The following RGS12 variants were observed in gnomAD, a reference collection of about 807,000 sequenced individuals.
RGS12 encodes regulator of G protein signaling 12.
A neutral mutation model predicts 120.1 loss-of-function variants in RGS12; 66 were observed. That is an observed-to-expected ratio of 0.55 (90% CI 0.45 to 0.67). The LOEUF is 0.67. Among genes scored for constraint, RGS12 ranks in the 30% least tolerant of loss-of-function variants. The pLI is 0.00. For synonymous variants in RGS12, 827 were observed against 804.7 expected (o/e 1.03, Z -0.47); for missense variants, 1,859 against 1,957.7 (o/e 0.95, Z 0.95).
At chr4:3,408,776 A>C (rs1316091022) in intron 4 of RGS12, among the ~76,000 whole-genome samples, 2 of 152,164 alleles carry the variant, frequency 1.3e-5, no homozygotes, top group Admixed American at 1.3e-4. Context: ...CGGCTCCTCC[A>C]GGTAATGTGT....
chr4:3,301,879 C>T (rs2110358980), intron 1 of RGS12, among the ~76,000 whole-genome samples: 1 of 152,234 alleles, frequency 6.6e-6, no homozygotes, highest in South Asian at 2.1e-4. Context: ...TTAAACACAG[C>T]CTCTCTCCAG....
rs1231669203 is a variant in RGS12 at position 3,374,087 on chromosome 4, T to G, written c.1999-12329T>G. Among the ~76,000 whole-genome samples, 3 of 152,194 alleles carry G rather than the reference T, an allele frequency of 2.0e-5. No homozygotes were observed. Among genetic ancestry groups the G allele is most frequent in the African/African-American group, 7.2e-5 (3 of 41,454 alleles). On this transcript the variant is annotated intron_variant, in intron 3 of 17. Transcript: ENST00000336727. The surrounding 1 kb of genome is among the most constrained non-coding windows in gnomAD (Gnocchi z 6.3). ...GCGAGGCCCTTGAGCACTCAGCACCTTCTCCTACCATGTCCCACGCGGCTC... is the reference window on the plus strand; with the variant it reads ...GCGAGGCCCTTGAGCACTCAGCACCGTCTCCTACCATGTCCCACGCGGCTC...
Position 3,390,571 on chromosome 4 carries a change from T to G in RGS12, c.2020+4134T>G, listed in dbSNP as rs1240664359. 6.6e-6 allele frequency among the ~76,000 whole-genome samples: 1 copy of G among 152,226 alleles called. No homozygotes were observed. Among genetic ancestry groups the G allele is most frequent in the African/African-American group, 2.4e-5 (1 of 41,476 alleles). On this transcript the variant is annotated intron_variant, in intron 4 of 17. Coordinates refer to ENST00000336727, the MANE Select transcript of RGS12 (RefSeq NM_001394154.1). The surrounding 1 kb of genome is among the most constrained non-coding windows in gnomAD (Gnocchi z 4.6). ...GCGGGGTGGACCCACTGCCGCCGCCTCCTCCTGGGCTGCTCTGCGCGCCTG... is the reference window on the plus strand; with the variant it reads ...GCGGGGTGGACCCACTGCCGCCGCCGCCTCCTGGGCTGCTCTGCGCGCCTG...
intron 17 of RGS12, among the ~76,000 whole-genome samples, chr4:3,438,762 G>A (rs1725047781): frequency 6.6e-6 from 1 of 152,134 alleles, no homozygotes; most frequent in African/African-American, 2.4e-5. Context: ...AGGCAGCCGG[G>A]ATCTCCTGGG....
intron 3 of RGS12, among the ~76,000 whole-genome samples, chr4:3,363,212 G>A (rs1369311636): frequency 2.0e-5 from 3 of 152,118 alleles, no homozygotes; most frequent in Non-Finnish European, 4.4e-5. Context: ...GGAACTAGCA[G>A]TTCTGTCCCT....
At chr4:3,340,762 A>AGGTGCAGGCCGGTGCAGGCC (rs142221888) in intron 2 of RGS12, among the ~76,000 whole-genome samples, 2,736 of 151,010 alleles carry the variant, frequency 0.018, 75 homozygotes, top group African/African-American at 0.059. Context: ...AGGTGCAGGC[A>AGGTGCAGGCCGGTGCAGGCC]GGTGCAGGCC....
chr4:3,421,395 G>GT (rs1244739464), intron 10 of RGS12, among the ~76,000 whole-genome samples: 1 of 152,374 alleles, frequency 6.6e-6, no homozygotes, highest in South Asian at 2.1e-4. Context: ...ATTGAAAGCT[G>GT]TAAGGATTTA....
intron 3 of RGS12, among the ~76,000 whole-genome samples, chr4:3,347,400 C>T (rs911834186): frequency 3.9e-5 from 6 of 152,040 alleles, no homozygotes; most frequent in Admixed American, 2.0e-4. Flanking sequence ...GCCCAGATCC[C>T]GCCACTGCAC....
Position 3,422,489 on chromosome 4 carries a change from CAA to C in RGS12, c.2954_2955del (p.Lys985ArgfsTer8). The C allele has an allele frequency of 1.2e-6, 2 of 1,613,064 alleles. No homozygotes were observed. Among genetic ancestry groups the C allele is most frequent in the Non-Finnish European group, 1.7e-6 (2 of 1,179,988 alleles). On this transcript the variant is annotated frameshift_variant, in exon 11 of 18. Coordinates refer to ENST00000336727, the MANE Select transcript of RGS12 (RefSeq NM_001394154.1). LOFTEE classifies it high-confidence loss of function. ...VVAVKAGFSIKDILSGLCERH... is the reference protein window; with the variant it reads ...VVAVKAGFSIXDILSGLCERH... Reference sequence around the variant, plus strand: ...TGGCTGTCAAGGCGGGCTTCTCCATCAAAGACATCCTGTCCGGACTCTGTGAG... The same window carrying C: ...TGGCTGTCAAGGCGGGCTTCTCCATCAGACATCCTGTCCGGACTCTGTGAG...
At chr4:3,311,729 C>T (rs1265503536) in intron 1 of RGS12, among the ~76,000 whole-genome samples, 1 of 152,174 alleles carries the variant, frequency 6.6e-6, no homozygotes, top group East Asian at 1.9e-4. Flanking sequence ...AATGAATTTC[C>T]TGTTCAGACC....
At chr4:3,336,410 G>T (rs1712470411) in intron 2 of RGS12, among the ~76,000 whole-genome samples, 1 of 152,260 alleles carries the variant, frequency 6.6e-6, no homozygotes, top group Admixed American at 6.5e-5. Context: ...TATAGCAGGA[G>T]ATGCGAAGAT....
At chr4:3,387,825 G>A (rs1398883653) in intron 4 of RGS12, among the ~76,000 whole-genome samples, 1 of 152,194 alleles carries the variant, frequency 6.6e-6, no homozygotes, top group Non-Finnish European at 1.5e-5. Context: ...TGAAAGATTT[G>A]CCTAATATGT....
At chr4:3,424,155 G>T (rs532822761) in intron 13 of RGS12, among the ~76,000 whole-genome samples, 2 of 152,394 alleles carry the variant, frequency 1.3e-5, no homozygotes, top group East Asian at 3.9e-4. Context: ...CGCGTGGGGT[G>T]GTGACCGCAG....
At chr4:3,401,356 G>C (rs1040943287) in intron 4 of RGS12, among the ~76,000 whole-genome samples, 2 of 152,128 alleles carry the variant, frequency 1.3e-5, no homozygotes, top group Non-Finnish European at 2.9e-5. Context: ...ATCCCTTTCA[G>C]CCTGTAGTCT....
intron 1 of RGS12, among the ~76,000 whole-genome samples, chr4:3,297,197 C>A (rs566047162): frequency 6.6e-6 from 1 of 152,312 alleles, no homozygotes; most frequent in East Asian, 1.9e-4. Context: ...ATACCCGATA[C>A]GCATACACAC....
At chr4:3,358,200 G>C (rs751601983) in intron 3 of RGS12, among the ~76,000 whole-genome samples, 82 of 151,802 alleles carry the variant, frequency 5.4e-4, no homozygotes, top group Non-Finnish European at 1.0e-3. Context: ...GTGTCCTCCT[G>C]TTGGCAGAAT....
At chr4:3,352,326 GC>G (rs1714434954) in intron 3 of RGS12, among the ~76,000 whole-genome samples, 1 of 152,126 alleles carries the variant, frequency 6.6e-6, no homozygotes, top group Non-Finnish European at 1.5e-5. Flanking sequence ...ACTTTCAAGG[GC>G]AGAAGAGGCG....
chr4:3,420,858 C>T (rs929967278), intron 10 of RGS12, 140 bp downstream of exon 10: 8 of 779,332 alleles, frequency 1.0e-5, no homozygotes, highest in East Asian at 2.7e-5. Context: ...GCTCGGGTGC[C>T]GGCCCAGGCA....
In RGS12 at chr4:3,365,634, G is replaced by C. The variant is rs183433603; in HGVS notation, c.1999-20782G>C. Among the ~76,000 whole-genome samples, 2 of 152,170 alleles carry C rather than the reference G, an allele frequency of 1.3e-5. No individual in the cohort carries two copies. The highest frequency in any genetic ancestry group is 4.1e-4 in the South Asian group (2 of 4,820). ...CTGGCCTCCCACTCACCTCTGGGAC[G>C]ACGTGCCGCACGTCACATTGTGTAG... On this transcript the variant is annotated intron_variant, in intron 3 of 17. Coordinates refer to ENST00000336727, the MANE Select transcript of RGS12 (RefSeq NM_001394154.1). The surrounding 1 kb of genome is among the most constrained non-coding windows in gnomAD (Gnocchi z 4.0).
Sources: allele counts gnomAD v4.1 joint callset (sites outside exome capture counted in the v4.1 genomes callset), GRCh38; gene constraint gnomAD v4.1.1; non-coding constraint Gnocchi (gnomAD v3.1); transcripts MANE v1.5; gene names NCBI Gene and HGNC (gene_info 2026-07-23, HGNC 2026-07-21).